KTN1: variants seen among roughly 807,000 people sequenced by gnomAD.
KTN1 encodes kinectin 1, also known as kinectin.
KTN1 carries 130 observed loss-of-function variants against 222.5 expected under a neutral mutation model. The observed-to-expected ratio is 0.58, with a 90% CI of 0.51 to 0.68. KTN1 has a LOEUF of 0.68. KTN1 is among the 30% of genes least tolerant of loss of function. KTN1 has a pLI of 0.00. For synonymous variants in KTN1, 512 were observed against 496.3 expected (o/e 1.03, Z -0.42); for missense variants, 1,508 against 1,500.4 (o/e 1.01, Z -0.08).
intron 8 of KTN1, 148 bp from the exon 9 acceptor site, chr14:55,634,378 T>C: frequency 1.8e-6 from 1 of 544,774 alleles, no homozygotes; most frequent in Non-Finnish European, 3.1e-6. Context: ...AACTAAACTT[T>C]ATTGTTAGTA....
Position 55,631,338 on chromosome 14 carries a change from G to GTTGA in KTN1, c.1221+1243_1221+1246dup, listed in dbSNP as rs200135039. Among the ~76,000 whole-genome samples the GTTGA allele has an allele frequency of 2.4e-3, 133 of 54,580 alleles. 1 individual carries two copies. The highest frequency in any genetic ancestry group is 2.0e-3 in the Non-Finnish European group (57 of 28,396). The allele number at this position is 54,580 out of a possible 152,430, so 35.8% of individuals were successfully genotyped here. ...TGTCTAAAACTCACCTATTGATAAG[G>GTTGA]TTGATATATATATATATATATATAT... On this transcript the variant is annotated intron_variant, in intron 7 of 43. Transcript: ENST00000395314.
chr14:55,670,757 A>G lies in KTN1; in HGVS notation c.3296A>G (p.Glu1099Gly). ...LSYGEWLHGF[E>G]KKAKECMAGT... is the part of the protein sequence containing the mutation. ...TATGGTGAATGGTTGCATGGATTTG[A>G]AAAAAAGGCAAAAGAATGTATGGCT... The change falls in exon 35 of 44, where the codon GAA (glutamate) becomes GGA (glycine). Residue 1099 changes from glutamate to glycine, a missense_variant. Physicochemically the swap from Glu to Gly is moderately conservative, Grantham distance 98. Coordinates refer to ENST00000395314, the MANE Select transcript of KTN1 (RefSeq NM_001079521.2). 1 of 1,604,850 alleles carries G rather than the reference A, an allele frequency of 6.2e-7. No individual in the cohort carries two copies. Among genetic ancestry groups the G allele is most frequent in the Non-Finnish European group, 8.5e-7 (1 of 1,173,668 alleles).
chr14:55,618,200 A>G (rs2038660592), intron 4 of KTN1, 66 bp downstream of exon 4: 3 of 1,164,216 alleles, frequency 2.6e-6, no homozygotes, highest in East Asian at 2.5e-5. Flanking sequence ...TGATGGAGTC[A>G]TAGATTTCAT....
chr14:55,620,693 C>T (rs150111990), intron 5 of KTN1, among the ~76,000 whole-genome samples: 7 of 152,274 alleles, frequency 4.6e-5, no homozygotes, highest in African/African-American at 1.7e-4. Context: ...ACACCAAGTC[C>T]CTAGGCTACA....
intron 21 of KTN1, among the ~76,000 whole-genome samples, 200 bp from the exon 22 acceptor site, chr14:55,649,576 T>A (rs1954121545): frequency 6.6e-6 from 1 of 152,246 alleles, no homozygotes; most frequent in Non-Finnish European, 1.5e-5. Context: ...GGCATATTTA[T>A]AAGTGACCTT....
At chr14:55,665,198 A>T (rs1037302997) in intron 33 of KTN1, among the ~76,000 whole-genome samples, 1 of 151,938 alleles carries the variant, frequency 6.6e-6, no homozygotes, top group Non-Finnish European at 1.5e-5. Context: ...AGTAGTTGCA[A>T]TTGTACAGTC....
chr14:55,671,954 C>A, intron 37 of KTN1, 77 bp downstream of exon 37: 1 of 859,120 alleles, frequency 1.2e-6, no homozygotes, highest in Admixed American at 2.1e-5. Context: ...CATCACCATG[C>A]ACATTCTTGG....
intron 40 of KTN1, 98 bp from the exon 41 acceptor site, chr14:55,675,737 C>T: frequency 1.3e-6 from 1 of 757,064 alleles, no homozygotes; most frequent in Non-Finnish European, 2.3e-6. Flanking sequence ...TACATAATAA[C>T]TGTTAGCAGT....
intron 12 of KTN1, among the ~76,000 whole-genome samples, chr14:55,638,894 GGCT>G (rs1298206510): frequency 6.6e-6 from 1 of 151,726 alleles, no homozygotes; most frequent in African/African-American, 2.4e-5. Context: ...TGGCCTTTCT[GGCT>G]GTTTTTCCTA....
chr14:55,600,007 A>G (rs1229565784), intron 1 of KTN1, among the ~76,000 whole-genome samples: 1 of 151,964 alleles, frequency 6.6e-6, no homozygotes, highest in South Asian at 2.1e-4. Context: ...CAAGAATTAA[A>G]AATTCTTATT....
Position 55,602,829 on chromosome 14 carries a change from C to T in KTN1, c.-30-9190C>T, listed in dbSNP as rs377230910. On this transcript the variant is annotated intron_variant, in intron 1 of 43. Transcript: ENST00000395314. ...CTCTGGGCTCAAGCAGTCCTTTCTCCTTGGCCTCCCAGAGTGCTAGGATTA... is the reference window on the plus strand; with the variant it reads ...CTCTGGGCTCAAGCAGTCCTTTCTCTTTGGCCTCCCAGAGTGCTAGGATTA... Among the ~76,000 whole-genome samples, 80 of 152,276 alleles carry T rather than the reference C, an allele frequency of 5.3e-4. 1 individual carries two copies. Among genetic ancestry groups the T allele is most frequent in the African/African-American group, 1.9e-3 (79 of 41,566 alleles).
At chr14:55,594,174 G>A (rs145480990) in intron 1 of KTN1, among the ~76,000 whole-genome samples, 94 of 152,180 alleles carry the variant, frequency 6.2e-4, no homozygotes, top group African/African-American at 2.1e-3. Context: ...ATTGGAAGTC[G>A]TTATCTTCAT....
chr14:55,671,440 G>T, intron 35 of KTN1, 126 bp from the exon 36 acceptor site: 1 of 634,988 alleles, frequency 1.6e-6, no homozygotes, highest in Non-Finnish European at 2.7e-6. Flanking sequence ...AGGTTGAAAT[G>T]TAGTGTTTCC....
Position 55,663,976 on chromosome 14 carries a change from G to C in KTN1, c.3112G>C (p.Glu1038Gln). 6.2e-7 allele frequency: 1 copy of C among 1,612,010 alleles called. No individual in the cohort carries two copies. Among genetic ancestry groups the C allele is most frequent in the East Asian group, 2.2e-5 (1 of 44,750 alleles). ...TTAGGACCTTCGGGAGAAAAACTGG[G>C]AAGCAATGGAAGCATTGGCATCAAC... ...KNNDLREKNW[E>Q]AMEALASTEK... Residue 1038 changes from glutamate (E) to glutamine (Q), a missense_variant, in exon 33 of 44, where the codon GAA (glutamate) becomes CAA (glutamine). Glu to Gln is a conservative substitution (Grantham distance 29). Transcript: ENST00000395314.
intron 21 of KTN1, among the ~76,000 whole-genome samples, chr14:55,649,427 G>C (rs2042717323): frequency 1.3e-5 from 2 of 152,084 alleles, no homozygotes; most frequent in Non-Finnish European, 2.9e-5. Context: ...GTGATAAAAA[G>C]GTTCTAAGTA....
In KTN1 at chr14:55,641,144, A is replaced by G. The variant is rs1042489817; in HGVS notation, c.2039A>G (p.Asp680Gly). The change falls in exon 17 of 44, where the codon GAT becomes GGT. Residue 680 changes from aspartate to glycine, a missense_variant. Coordinates refer to ENST00000395314, the MANE Select transcript of KTN1 (RefSeq NM_001079521.2). Reference protein sequence around the residue: ...KMQQSVYVKDDKIRLLEEQLQ... With the variant: ...KMQQSVYVKDGKIRLLEEQLQ... ...CCTCATAGTGTTTATGTTAAAGATG[A>G]TAAAATAAGATTGCTGGAAGAGCAA... 6.3e-7 allele frequency: 1 copy of G among 1,587,702 alleles called. No individual in the cohort carries two copies. Among genetic ancestry groups the G allele is most frequent in the African/African-American group, 1.4e-5 (1 of 73,578 alleles).
intron 25 of KTN1, 49 bp from the exon 26 acceptor site, chr14:55,652,801 T>C: frequency 2.9e-6 from 4 of 1,369,468 alleles, no homozygotes; most frequent in Non-Finnish European, 4.1e-6. Flanking sequence ...TTTTGCTTTT[T>C]ATGGTCATGT....
intron 33 of KTN1, among the ~76,000 whole-genome samples, chr14:55,664,510 G>A (rs1353339839): frequency 6.6e-6 from 1 of 152,064 alleles, no homozygotes; most frequent in African/African-American, 2.4e-5. Context: ...ATCAACTTTG[G>A]GTGTGTTGCT....
chr14:55,642,060 T>C (rs540491945), intron 18 of KTN1, among the ~76,000 whole-genome samples: 17 of 152,208 alleles, frequency 1.1e-4, no homozygotes, highest in Non-Finnish European at 2.2e-4. Context: ...GCCTTAGACT[T>C]GGAGCCTCAG....
Sources: allele counts gnomAD v4.1 joint callset (sites outside exome capture counted in the v4.1 genomes callset), GRCh38; gene constraint gnomAD v4.1.1; transcripts MANE v1.5; gene names NCBI Gene and HGNC (gene_info 2026-07-23, HGNC 2026-07-21).